The following CHRNA9 variants were observed in gnomAD, a reference collection of about 807,000 sequenced individuals.
The protein encoded by CHRNA9 is neuronal acetylcholine receptor subunit alpha-9.
In CHRNA9, 24 loss-of-function variants were observed where a neutral mutation model predicts 36.8. The observed-to-expected ratio is 0.65, with a 90% CI of 0.47 to 0.92. CHRNA9 has a LOEUF of 0.92. Ranked by LOEUF, CHRNA9 falls within the 40% of genes least tolerant of loss-of-function variation. The pLI, the probability that CHRNA9 is intolerant of heterozygous loss-of-function variation, is 0.00. For missense variants in CHRNA9, 610 were observed against 601.2 expected, an observed-to-expected ratio of 1.01 and a Z score of -0.15; for synonymous variants, 231 against 231.8, an observed-to-expected ratio of 1.00 and a Z score of 0.03.
chr4:40,344,650 C>G (rs1255878580), intron 3 of CHRNA9, among the ~76,000 whole-genome samples: 1 of 151,916 alleles, frequency 6.6e-6, no homozygotes, highest in Non-Finnish European at 1.5e-5. Flanking sequence ...ATTATAATGC[C>G]CATTTTTACA....
At chr4:40,346,831 G>A (rs1712650175) in intron 3 of CHRNA9, among the ~76,000 whole-genome samples, 1 of 151,932 alleles carries the variant, frequency 6.6e-6, no homozygotes, top group Non-Finnish European at 1.5e-5. Flanking sequence ...TTGTTGTTGA[G>A]ATGGAGTCTC....
At chr4:40,351,876 G>A (rs570892354) in intron 4 of CHRNA9, among the ~76,000 whole-genome samples, 2 of 152,300 alleles carry the variant, frequency 1.3e-5, no homozygotes, top group South Asian at 2.1e-4. Context: ...GATTCAGTTA[G>A]CTAATATTTT....
intron 3 of CHRNA9, among the ~76,000 whole-genome samples, chr4:40,339,279 C>CAAAAAAAAAA (rs61634062): frequency 1.0e-3 from 71 of 71,086 alleles, no homozygotes; most frequent in Admixed American, 1.4e-3. Flanking sequence ...GACTCCATCT[C>CAAAAAAAAAA]AAAAAAAAAA....
intron 3 of CHRNA9, 30 bp from the exon 4 acceptor site, chr4:40,348,852 C>A (rs377381846): frequency 2.3e-5 from 37 of 1,599,706 alleles, no homozygotes; most frequent in Non-Finnish European, 2.7e-5. Flanking sequence ...TCCTAGCATG[C>A]GGCTTTCATT....
rs1712287870 is a variant in CHRNA9, at chr4:40,335,458, C to T, written c.-10C>T. On this transcript the variant is annotated 5_prime_UTR_variant, in exon 1 of 5. Transcript: ENST00000310169. ...TGACTGAGACTTTATTATAGAGGCT[C>T]AGGAAAAAGATGAACTGGTCCCATT... The T allele has an allele frequency of 1.2e-6, 2 of 1,609,724 alleles. No individual in the cohort carries two copies. The highest frequency in any genetic ancestry group is 1.7e-6 in the Non-Finnish European group (2 of 1,176,040).
rs1712885928 is a variant in CHRNA9, at chr4:40,354,202, T to C, written c.1122T>C (p.Tyr374=). 1.9e-6 allele frequency: 3 copies of C among 1,614,182 alleles called. No homozygotes were observed. Among genetic ancestry groups the C allele is most frequent in the East Asian group, 4.5e-5 (2 of 44,882 alleles). Residue 374 remains tyrosine (Y), a synonymous_variant, in exon 5 of 5, where the codon TAT becomes TAC. Transcript: ENST00000310169. ...AGCGGGACCACCTCACGAAAGTTTA[T>C]AGCAAACTCCCAGAGTCTAACCTGA... ...SRERDHLTKV[Y]SKLPESNLKA... is the part of the protein sequence containing the mutation.
intron 3 of CHRNA9, among the ~76,000 whole-genome samples, chr4:40,344,023 G>T (rs910376605): frequency 2.0e-5 from 3 of 152,312 alleles, no homozygotes; most frequent in African/African-American, 7.2e-5. Flanking sequence ...AGAGGGAGAT[G>T]AGATGGCCAG....
rs151270280 is a variant in CHRNA9 at position 40,348,974 on chromosome 4, G to C, written c.458G>C (p.Ser153Thr). The change falls in exon 4 of 5, where the codon AGC becomes ACC. Residue 153 changes from serine (S) to threonine (T), a missense_variant. Coordinates refer to ENST00000310169, the MANE Select transcript of CHRNA9 (RefSeq NM_017581.4). ...TGGGATGCACCGGCCATCACCAAAAGCTCCTGTGTGGTGGATGTCACCTAC... is the reference window on the plus strand; with the variant it reads ...TGGGATGCACCGGCCATCACCAAAACCTCCTGTGTGGTGGATGTCACCTAC... ...ITWDAPAITK[S>T]SCVVDVTYFP... 6.2e-7 allele frequency: 1 copy of C among 1,614,026 alleles called. No individual in the cohort carries two copies. Among genetic ancestry groups the C allele is most frequent in the Non-Finnish European group, 8.5e-7 (1 of 1,180,026 alleles).
At chr4:40,350,258 A>G (rs927477360) in intron 4 of CHRNA9, among the ~76,000 whole-genome samples, 1 of 152,154 alleles carries the variant, frequency 6.6e-6, no homozygotes, top group African/African-American at 2.4e-5. Context: ...GAGATTTGGG[A>G]ATCTGAGGTG....
At position 40,349,082 on chromosome 4, in the gene CHRNA9, T is replaced by A. The variant is rs1712720356; in HGVS notation, c.566T>A (p.Leu189Ter). The change falls in exon 4 of 5, where the codon TTG becomes TAG. Residue 189 changes from leucine (L) to a stop codon, truncating the protein, a stop_gained. Transcript: ENST00000310169. LOFTEE classifies it high-confidence loss of function. Reference protein sequence around the residue: ...NGNQVDIFNALDSGDLSDFIE... With the variant: ...NGNQVDIFNA ...AATCAGGTGGACATATTCAACGCCT[T>A]GGACAGCGGAGATCTCTCTGACTTC... The A allele has an allele frequency of 6.2e-7, 1 of 1,614,074 alleles. No homozygotes were observed. Among genetic ancestry groups the A allele is most frequent in the Admixed American group, 1.7e-5 (1 of 60,008 alleles).
At chr4:40,351,191 G>A (rs1300382656) in intron 4 of CHRNA9, among the ~76,000 whole-genome samples, 1 of 151,358 alleles carries the variant, frequency 6.6e-6, no homozygotes, top group Non-Finnish European at 1.5e-5. Flanking sequence ...AATTAGCTGG[G>A]CATGGTGGTG....
Position 40,348,873 on chromosome 4 carries a change from G to A in CHRNA9, c.366-9G>A. ...CATGCGGCTTTCATTTTCCTTATCT[G>A]ACCTTCAGGGCTGATGATGAATCTT... On this transcript the variant is annotated splice_polypyrimidine_tract_variant and intron_variant, in intron 3 of 4. Coordinates refer to ENST00000310169, the MANE Select transcript of CHRNA9 (RefSeq NM_017581.4). The A allele has an allele frequency of 6.2e-7, 1 of 1,607,118 alleles. No homozygotes were observed. The highest frequency in any genetic ancestry group is 8.5e-7 in the Non-Finnish European group (1 of 1,174,190).
chr4:40,338,994 C>A lies in CHRNA9; in HGVS notation c.365+1630C>A, dbSNP rs115925579. On this transcript the variant is annotated intron_variant, in intron 3 of 4. Transcript: ENST00000310169. ...GTAATATCTGATAATTTCATTGACA[C>A]AGGCAGGGCGTGAGGACTAACCCCT... Among the ~76,000 whole-genome samples the A allele has an allele frequency of 6.5e-3, 987 of 152,238 alleles. 13 individuals are homozygous for A. The highest frequency in any genetic ancestry group is 0.023 in the African/African-American group (947 of 41,548).
At chr4:40,337,457 A>G (rs1387388445) in intron 3 of CHRNA9, 93 bp downstream of exon 3, 1 of 1,349,168 alleles carries the variant, frequency 7.4e-7, no homozygotes. Context: ...TAAAACATGC[A>G]TGAAATTAAA....
intron 4 of CHRNA9, among the ~76,000 whole-genome samples, chr4:40,352,774 TTATA>T (rs1445677772): frequency 6.6e-6 from 1 of 152,218 alleles, no homozygotes; most frequent in African/African-American, 2.4e-5. Context: ...AACATGTGCT[TTATA>T]TAATCACATT....
intron 3 of CHRNA9, among the ~76,000 whole-genome samples, chr4:40,337,899 C>T (rs1712374013): frequency 6.6e-6 from 1 of 152,184 alleles, no homozygotes; most frequent in Non-Finnish European, 1.5e-5. Flanking sequence ...TTTCCCCTTT[C>T]TATAAGGACA....
Position 40,337,287 on chromosome 4 carries a change from A to G in CHRNA9, c.288A>G (p.Arg96=). 1 of 1,614,232 alleles carries G rather than the reference A, an allele frequency of 6.2e-7. No individual in the cohort carries two copies. The highest frequency in any genetic ancestry group is 8.5e-7 in the Non-Finnish European group (1 of 1,180,040). ...ACGATGCCTATCTCACGTGGGACCG[A>G]GATCAGTACGATGGCCTAGACTCCA... is the stretch of plus-strand genomic sequence containing the variant. The part of the protein sequence containing the change: ...IWHDAYLTWD[R]DQYDGLDSIR... Residue 96 remains arginine (R), a synonymous_variant, in exon 3 of 5, where the codon CGA becomes CGG. Transcript: ENST00000310169.
rs547411126 is a variant in CHRNA9, at chr4:40,335,473, C to T, written c.6C>T (p.Asn2=). 39 of 1,612,730 alleles carry T rather than the reference C, an allele frequency of 2.4e-5. No individual in the cohort carries two copies. The African/African-American group carries it at 4.5e-4, about 19-fold the overall frequency. The change falls in exon 1 of 5, where the codon AAC becomes AAT. Residue 2 remains asparagine (N), a synonymous_variant. Coordinates refer to ENST00000310169, the MANE Select transcript of CHRNA9 (RefSeq NM_017581.4). ...TATAGAGGCTCAGGAAAAAGATGAACTGGTCCCATTCCTGCATCTCCTTTT... is the reference window on the plus strand; with the variant it reads ...TATAGAGGCTCAGGAAAAAGATGAATTGGTCCCATTCCTGCATCTCCTTTT... M[N]WSHSCISFCW... is the part of the protein sequence containing the mutation.
chr4:40,339,525 A>G (rs942432065), intron 3 of CHRNA9, among the ~76,000 whole-genome samples: 7 of 151,626 alleles, frequency 4.6e-5, no homozygotes, highest in African/African-American at 1.7e-4. Flanking sequence ...TACTAAAAAT[A>G]CAAAAAAATT....
Sources: allele counts gnomAD v4.1 joint callset (sites outside exome capture counted in the v4.1 genomes callset), GRCh38; gene constraint gnomAD v4.1.1; transcripts MANE v1.5; gene names NCBI Gene and HGNC (gene_info 2026-07-23, HGNC 2026-07-21).